The following ABCG8 variants were observed in gnomAD, a reference collection of about 807,000 sequenced individuals.
The protein encoded by ABCG8 is ATP binding cassette subfamily G member 8, also known as ATP-binding cassette sub-family G member 8.
ABCG8 carries 81 observed loss-of-function variants against 71.3 expected under a neutral mutation model. That is an observed-to-expected ratio of 1.14 (90% CI 0.95 to 1.37). The LOEUF (loss-of-function observed/expected upper bound fraction) is 1.37. Ranked by LOEUF, ABCG8 falls within the 40% of genes most tolerant of loss-of-function variation. ABCG8 has a pLI of 0.00. For missense variants in ABCG8, 1,119 were observed against 866.2 expected, an observed-to-expected ratio of 1.29 and a Z score of -3.66; for synonymous variants, 451 against 354.7, an observed-to-expected ratio of 1.27 and a Z score of -3.05.
intron 6 of ABCG8, among the ~76,000 whole-genome samples, chr2:43,865,278 C>T (rs1379167427): frequency 6.8e-5 from 10 of 147,602 alleles, no homozygotes; most frequent in Non-Finnish European, 1.1e-4. Flanking sequence ...TTAGAGCTCT[C>T]ACTATCTGGA....
chr2:43,856,331 T>G (rs1371490525), intron 6 of ABCG8, among the ~76,000 whole-genome samples: 1 of 151,420 alleles, frequency 6.6e-6, no homozygotes, highest in Admixed American at 6.6e-5. Flanking sequence ...GAACTCTCAC[T>G]CCCTGTCTGG....
At chr2:43,845,092 GTGTGTGTATA>G (rs1668701883) in intron 2 of ABCG8, among the ~76,000 whole-genome samples, 1 of 121,474 alleles carries the variant, frequency 8.2e-6, no homozygotes. Context: ...GTGTGTGTGT[GTGTGTGTATA>G]TATATATATA....
At chr2:43,861,625 C>T (rs1217501112) in intron 6 of ABCG8, among the ~76,000 whole-genome samples, 2 of 151,330 alleles carry the variant, frequency 1.3e-5, no homozygotes, top group Non-Finnish European at 3.0e-5. Context: ...AGAATTCTTA[C>T]TCTCTGGATA....
At chr2:43,874,701 G>A (rs993132485) in intron 10 of ABCG8, among the ~76,000 whole-genome samples, 5 of 152,120 alleles carry the variant, frequency 3.3e-5, no homozygotes, top group East Asian at 1.9e-4. Flanking sequence ...GACCAGGAAT[G>A]ATAGTTTTCT....
At position 43,882,229 on chromosome 2, in the gene ABCG8, G is replaced by C. The variant is rs948431664; in HGVS notation, c.*4316G>C. ...GCCCTGGGTTAAACCAGTCTACAGAGGTAGATCTCGCATTTGCTTTTGTTT... is the reference window on the plus strand; with the variant it reads ...GCCCTGGGTTAAACCAGTCTACAGACGTAGATCTCGCATTTGCTTTTGTTT... On this transcript the variant is annotated 3_prime_UTR_variant, in exon 13 of 13. Transcript: ENST00000272286. 2 of 152,172 alleles carry C rather than the reference G, an allele frequency of 1.3e-5. No homozygotes were observed. The highest frequency in any genetic ancestry group is 2.9e-5 in the Non-Finnish European group (2 of 68,038). 9.4% of individuals were successfully genotyped at this position (152,172 alleles called of 1,614,324 possible). A position where few individuals can be genotyped will look rare whatever the true frequency, so the allele number is the denominator to read the frequency against.
rs201563094 is a variant in ABCG8, at chr2:43,875,376, C to A, written c.1719C>A (p.Ala573=). Residue 573 remains alanine, a synonymous_variant, in exon 11 of 13, where the codon GCC becomes GCA. Transcript: ENST00000272286. ...SNALYNSFYL[A]GGFMINLSSL... Reference sequence around the variant, plus strand: ...CCCTCTACAACTCCTTCTACCTCGCCGGGGGCTTCATGATAAACTTGAGCA... The same window carrying A: ...CCCTCTACAACTCCTTCTACCTCGCAGGGGGCTTCATGATAAACTTGAGCA... 2 of 1,613,982 alleles carry A rather than the reference C, an allele frequency of 1.2e-6. No individual in the cohort carries two copies. The highest frequency in any genetic ancestry group is 2.7e-5 in the African/African-American group (2 of 74,942).
chr2:43,875,734 T>C (rs191143164), intron 11 of ABCG8, among the ~76,000 whole-genome samples: 1 of 152,366 alleles, frequency 6.6e-6, no homozygotes, highest in African/African-American at 2.4e-5. Context: ...TCTCCATCCC[T>C]GGCCACCATT....
chr2:43,859,752 A>G (rs754089447), intron 6 of ABCG8, among the ~76,000 whole-genome samples: 15 of 150,836 alleles, frequency 9.9e-5, no homozygotes, highest in South Asian at 4.2e-4. Flanking sequence ...TAGCACTCTC[A>G]CTATATATCT....
chr2:43,862,997 C>T (rs1208057133), intron 6 of ABCG8, among the ~76,000 whole-genome samples: 1 of 151,362 alleles, frequency 6.6e-6, no homozygotes, highest in African/African-American at 2.4e-5. Flanking sequence ...ATAGAACTCT[C>T]ACTATCTGGA....
rs1485558944 is a variant in ABCG8, at chr2:43,877,769, T to C, written c.1885-7T>C. The C allele has an allele frequency of 6.2e-7, 1 of 1,614,148 alleles. No homozygotes were observed. The highest frequency in any genetic ancestry group is 1.6e-4 in the Middle Eastern group (1 of 6,062). On this transcript the variant is annotated splice_region_variant and splice_polypyrimidine_tract_variant and intron_variant, in intron 12 of 12. Coordinates refer to ENST00000272286, the MANE Select transcript of ABCG8 (RefSeq NM_022437.3). ...CTCATGAGCCCACTGCATGTCTGTG[T>C]CTCCAGATCCTCAGTGTCATGGAGC...
At chr2:43,877,437 T>G in intron 11 of ABCG8, 124 bp from the exon 12 acceptor site, 3 of 1,497,776 alleles carry the variant, frequency 2.0e-6, no homozygotes, top group Non-Finnish European at 2.8e-6. Context: ...GGGGAGATCA[T>G]GCAAATATGG....
At chr2:43,865,695 C>G (rs1198698349) in intron 6 of ABCG8, among the ~76,000 whole-genome samples, 1 of 138,970 alleles carries the variant, frequency 7.2e-6, no homozygotes, top group Non-Finnish European at 1.6e-5. Context: ...ATAGAACTCT[C>G]AATATCTATG....
intron 6 of ABCG8, among the ~76,000 whole-genome samples, chr2:43,864,162 C>T (rs1572851607): frequency 6.6e-6 from 1 of 151,530 alleles, no homozygotes; most frequent in Middle Eastern, 3.4e-3. Flanking sequence ...GGATAAAATA[C>T]TCACTCTCTG....
At chr2:43,869,275 C>G (rs930248713) in intron 6 of ABCG8, among the ~76,000 whole-genome samples, 2 of 151,872 alleles carry the variant, frequency 1.3e-5, no homozygotes, top group South Asian at 2.1e-4. Context: ...GGAACTCTCA[C>G]TATCTATCTG....
In ABCG8 at chr2:43,852,386, G is replaced by A. The variant is rs1668950194; in HGVS notation, c.594G>A (p.Arg198=). 1.2e-6 allele frequency: 2 copies of A among 1,612,312 alleles called. No homozygotes were observed. Among genetic ancestry groups the A allele is most frequent in the Non-Finnish European group, 1.7e-6 (2 of 1,180,034 alleles). The change falls in exon 5 of 13, where the codon AGG becomes AGA. Residue 198 remains arginine (R), a synonymous_variant. Coordinates refer to ENST00000272286, the MANE Select transcript of ABCG8 (RefSeq NM_022437.3). The part of the protein sequence containing the change: ...VEDVIAELRL[R]QCADTRVGNM... ...ACGTGATCGCGGAGCTGCGGCTTAG[G>A]CAGTGCGCTGACACCCGCGTGGGCA...
rs199735780 is a variant in ABCG8, at chr2:43,873,497, G to A, written c.1212-290G>A. On this transcript the variant is annotated intron_variant, in intron 8 of 12. Transcript: ENST00000272286. ...GTGAGCCACCACGCCCAGCCTGTCC[G>A]TACATCTTTATGGAAGTAATTGATT... Among the ~76,000 whole-genome samples, 12 of 152,124 alleles carry A rather than the reference G, an allele frequency of 7.9e-5. No individual in the cohort carries two copies. The East Asian group carries it at 9.7e-4, about 12-fold the overall frequency.
chr2:43,856,361 T>C (rs891804093), intron 6 of ABCG8, among the ~76,000 whole-genome samples: 7 of 151,768 alleles, frequency 4.6e-5, no homozygotes, highest in African/African-American at 1.4e-4. Context: ...TCACACCCTG[T>C]CTGGATAGAA....
At chr2:43,847,864 G>A (rs765035327) in intron 3 of ABCG8, 7 of 151,416 alleles carry the variant, frequency 4.6e-5, no homozygotes, top group African/African-American at 1.5e-4. Flanking sequence ...GGGTTCAAGC[G>A]AGTCTCATGT....
intron 9 of ABCG8, 66 bp from the exon 10 acceptor site, chr2:43,874,341 C>G: frequency 7.6e-7 from 1 of 1,307,384 alleles, no homozygotes; most frequent in South Asian, 1.2e-5. Flanking sequence ...AAGAGAGTCT[C>G]CAAAACAGAA....
Sources: gnomAD v4.1 joint callset for allele counts (sites outside exome capture counted in the v4.1 genomes callset) on GRCh38, gnomAD v4.1.1 for gene constraint, MANE v1.5 for transcripts, NCBI Gene and HGNC (gene_info 2026-07-23, HGNC 2026-07-21) for gene names.